LRRC7: variants seen among roughly 807,000 people sequenced by gnomAD.
LRRC7 encodes leucine rich repeat containing 7.
In LRRC7, 23 loss-of-function variants were observed where a neutral mutation model predicts 175.7. The observed-to-expected ratio is 0.13, with a 90% CI of 0.09 to 0.19. The LOEUF is 0.19. Ranked by LOEUF, LRRC7 falls within the 10% of genes least tolerant of loss-of-function variation. The pLI, the probability that LRRC7 is intolerant of heterozygous loss-of-function variation, is 1.00. For missense variants in LRRC7, 1,354 were observed against 1,904.7 expected (o/e 0.71, Z 5.38); for synonymous variants, 685 against 680.9 (o/e 1.01, Z -0.09).
chr1:69,722,138 C>CATAT (rs36076590), intron 2 of LRRC7, among the ~76,000 whole-genome samples: 1 of 150,652 alleles, frequency 6.6e-6, no homozygotes, highest in African/African-American at 2.4e-5. Flanking sequence ...CCTATGTACA[C>CATAT]ATATATATAT....
intron 11 of LRRC7, among the ~76,000 whole-genome samples, chr1:70,005,511 G>T (rs535268519): frequency 6.6e-6 from 1 of 152,228 alleles, no homozygotes; most frequent in East Asian, 1.9e-4. Context: ...TCATGAACAT[G>T]AAACTAAAGT....
chr1:69,908,714 TG>T, intron 7 of LRRC7, among the ~76,000 whole-genome samples: 1 of 115,012 alleles, frequency 8.7e-6, no homozygotes, highest in South Asian at 3.6e-4. Flanking sequence ...AGGTGTGGTG[TG>T]TGGTGTGGTG....
intron 7 of LRRC7, among the ~76,000 whole-genome samples, chr1:69,856,113 T>C (rs1683584114): frequency 6.6e-6 from 1 of 152,188 alleles, no homozygotes; most frequent in African/African-American, 2.4e-5. Context: ...TTGGAGCATT[T>C]AGCCCATTTA....
chr1:69,623,922 T>C (rs1383469355), intron 1 of LRRC7, among the ~76,000 whole-genome samples: 1 of 152,180 alleles, frequency 6.6e-6, no homozygotes, highest in Non-Finnish European at 1.5e-5. Flanking sequence ...TATTTGCTTG[T>C]TTCTTTGTTT....
chr1:69,837,923 T>G (rs1386298215), intron 6 of LRRC7, among the ~76,000 whole-genome samples: 1 of 151,638 alleles, frequency 6.6e-6, no homozygotes, highest in African/African-American at 2.4e-5. Flanking sequence ...GTAAAATTTA[T>G]TTTTATTTTA....
chr1:69,841,676 G>A (rs1681748120), intron 7 of LRRC7, among the ~76,000 whole-genome samples: 3 of 152,082 alleles, frequency 2.0e-5, no homozygotes, highest in Admixed American at 2.0e-4. Flanking sequence ...TTTACTTGGA[G>A]ATTATCTCCT....
intron 8 of LRRC7, among the ~76,000 whole-genome samples, chr1:69,955,576 T>C (rs1344952710): frequency 4.6e-5 from 7 of 151,952 alleles, no homozygotes; most frequent in Non-Finnish European, 1.0e-4. Context: ...TTATAAATAT[T>C]GGGCAAGATT....
intron 8 of LRRC7, among the ~76,000 whole-genome samples, chr1:69,978,337 G>C (rs1425097604): frequency 1.3e-5 from 2 of 151,504 alleles, no homozygotes; most frequent in African/African-American, 4.8e-5. Context: ...AGGGAGGGGA[G>C]GGGAGCAACA....
chr1:69,650,293 C>A (rs539516405), intron 1 of LRRC7, among the ~76,000 whole-genome samples: 69 of 152,064 alleles, frequency 4.5e-4, no homozygotes, highest in Non-Finnish European at 9.1e-4. Flanking sequence ...GTAATCCCAG[C>A]ACTTTGGGAT....
intron 13 of LRRC7, among the ~76,000 whole-genome samples, chr1:70,016,173 G>A (rs1430210637): frequency 6.6e-6 from 1 of 152,192 alleles, no homozygotes; most frequent in African/African-American, 2.4e-5. Flanking sequence ...TGACGGGACT[G>A]AGTCAGGAAA....
At chr1:69,657,152 C>A (rs939466052) in intron 1 of LRRC7, among the ~76,000 whole-genome samples, 1 of 151,010 alleles carries the variant, frequency 6.6e-6, no homozygotes, top group Non-Finnish European at 1.5e-5. Flanking sequence ...GGTTACTGAC[C>A]TAAATTCACA....
chr1:69,993,043 T>G (rs906524525), intron 10 of LRRC7, among the ~76,000 whole-genome samples: 15 of 152,184 alleles, frequency 9.9e-5, no homozygotes, highest in Admixed American at 9.8e-4. Flanking sequence ...AAAACTTAGC[T>G]ATAAGTCATA....
At chr1:69,931,615 ATTCT>A (rs1354231258) in intron 8 of LRRC7, 45 bp downstream of exon 8, 13 of 1,464,424 alleles carry the variant, frequency 8.9e-6, no homozygotes, top group Non-Finnish European at 9.6e-6. Flanking sequence ...CCTTCAGGAG[ATTCT>A]TTCTTTTGCT....
intron 7 of LRRC7, among the ~76,000 whole-genome samples, chr1:69,849,896 T>C (rs561851051): frequency 1.3e-5 from 2 of 152,208 alleles, no homozygotes; most frequent in African/African-American, 4.8e-5. Flanking sequence ...TGCCAAGGAA[T>C]CTAACAATTT....
In LRRC7 at chr1:70,038,649, G is replaced by T; in HGVS notation, c.2825G>T (p.Ser942Ile). The T allele has an allele frequency of 6.2e-7, 1 of 1,614,112 alleles. No individual in the cohort carries two copies. The highest frequency in any genetic ancestry group is 8.5e-7 in the Non-Finnish European group (1 of 1,180,000). ...WEYHDSNPNRSLSNVFSQIHC... is the reference protein window; with the variant it reads ...WEYHDSNPNRILSNVFSQIHC... Reference sequence around the variant, plus strand: ...TATCATGATTCCAATCCCAACAGGAGTCTTAGTAATGTCTTTTCTCAAATC... The same window carrying T: ...TATCATGATTCCAATCCCAACAGGATTCTTAGTAATGTCTTTTCTCAAATC... The change falls in exon 21 of 27, where the codon AGT becomes ATT. Residue 942 changes from serine (S) to isoleucine (I), a missense_variant. By Grantham distance (142) the Ser-to-Ile change is moderately radical (BLOSUM62 -2). Around this residue, in one of 4 missense-constraint regions of LRRC7, gnomAD observed 1,032 missense variants for 1,227.2 expected, o/e 0.84. Coordinates refer to ENST00000651989, the MANE Select transcript of LRRC7 (RefSeq NM_001370785.2).
In LRRC7 at chr1:70,070,739, A is replaced by G. The variant is rs115062360; in HGVS notation, c.4231-5338A>G. On this transcript the variant is annotated intron_variant, in intron 23 of 26. Coordinates refer to ENST00000651989, the MANE Select transcript of LRRC7 (RefSeq NM_001370785.2). ...GAGGATGGAAGTTTCATCTCCCCAC[A>G]TGGTCTCCACTTGGTGGGGGTAGCA... Among the ~76,000 whole-genome samples, 464 of 152,244 alleles carry G rather than the reference A, an allele frequency of 3.0e-3. 1 individual carries two copies. Among genetic ancestry groups the G allele is most frequent in the African/African-American group, 0.01 (417 of 41,552 alleles).
rs961709408 is a variant in LRRC7, at chr1:69,952,993, A to G, written c.711+21423A>G. On this transcript the variant is annotated intron_variant, in intron 8 of 26. Coordinates refer to ENST00000651989, the MANE Select transcript of LRRC7 (RefSeq NM_001370785.2). ...GGAAAAGTATGTTTGTAGGAGAGAC[A>G]AGGCAAAAAAAAAAAAAAAAAAAAA... 1.8e-3 allele frequency among the ~76,000 whole-genome samples: 258 copies of G among 140,376 alleles called. 1 individual carries two copies. Among genetic ancestry groups the G allele is most frequent in the Admixed American group, 3.5e-3 (51 of 14,578 alleles). The allele number at this position is 140,376 out of a possible 152,430, so 92.1% of individuals were successfully genotyped here. A position where few individuals can be genotyped will look rare whatever the true frequency, so the allele number is the denominator to read the frequency against.
chr1:69,790,676 T>C (rs1310328230), intron 3 of LRRC7, among the ~76,000 whole-genome samples: 1 of 151,920 alleles, frequency 6.6e-6, no homozygotes, highest in African/African-American at 2.4e-5. Flanking sequence ...GGAATAAGTA[T>C]AAATTAACTT....
rs2102024078 is a variant in LRRC7, at chr1:70,038,246, G to A, written c.2422G>A (p.Asp808Asn). 6.2e-7 allele frequency: 1 copy of A among 1,614,166 alleles called. No homozygotes were observed. ...MSDTFTDNWT[D>N]GSHYDNTGFV... ...TGATACTTTCACTGACAACTGGACT[G>A]ATGGCTCGCATTATGACAACACAGG... is the stretch of plus-strand genomic sequence containing the variant. The change falls in exon 21 of 27, where the codon GAT (aspartate) becomes AAT (asparagine). Residue 808 changes from aspartate to asparagine, a missense_variant. Transcript: ENST00000651989.
Sources: gnomAD v4.1 joint callset for allele counts (sites outside exome capture counted in the v4.1 genomes callset) on GRCh38, gnomAD v4.1.1 for gene constraint, gnomAD v4.1.1 regional missense constraint, MANE v1.5 for transcripts, NCBI Gene and HGNC (gene_info 2026-07-23, HGNC 2026-07-21) for gene names.